The following RBFOX1 variants were observed in gnomAD, a reference collection of about 807,000 sequenced individuals.
The protein encoded by RBFOX1 is RNA binding protein fox-1 homolog 1.
A neutral mutation model predicts 57.7 loss-of-function variants in RBFOX1; 8 were observed. That is an observed-to-expected ratio of 0.14 (90% CI 0.08 to 0.25). The LOEUF (loss-of-function observed/expected upper bound fraction) is 0.25, where lower values mean the gene tolerates loss of function less well. RBFOX1 is among the 10% of genes least tolerant of loss of function. RBFOX1 has a pLI of 1.00. For missense variants in RBFOX1, 611 were observed against 548.5 expected, an observed-to-expected ratio of 1.11 and a Z score of -1.14; for synonymous variants, 326 against 222.4, an observed-to-expected ratio of 1.47 and a Z score of -4.15.
chr16:7,273,037 C>T (rs1437205406), intron 4 of RBFOX1, among the ~76,000 whole-genome samples: 1 of 116,428 alleles, frequency 8.6e-6, no homozygotes, highest in Non-Finnish European at 1.7e-5. Flanking sequence ...CTTTTCTTTC[C>T]TTCCCCTCCC....
intron 1 of RBFOX1, among the ~76,000 whole-genome samples, chr16:6,159,291 G>A (rs2096860485): frequency 6.6e-6 from 1 of 152,042 alleles, no homozygotes; most frequent in Non-Finnish European, 1.5e-5. Context: ...TGGCCAAGTT[G>A]GTCTTGAACT....
intron 1 of RBFOX1, among the ~76,000 whole-genome samples, chr16:6,190,389 T>A (rs1164032907): frequency 6.6e-6 from 1 of 152,172 alleles, no homozygotes; most frequent in Non-Finnish European, 1.5e-5. Flanking sequence ...GTATGTAGCA[T>A]CCGGGGTCCT....
intron 4 of RBFOX1, among the ~76,000 whole-genome samples, chr16:7,447,319 G>A (rs993143593): frequency 2.6e-5 from 4 of 151,320 alleles, no homozygotes; most frequent in Non-Finnish European, 4.4e-5. Context: ...TGTTATCCTA[G>A]CTACTTGGGA....
intron 4 of RBFOX1, among the ~76,000 whole-genome samples, chr16:7,226,863 C>T (rs1272154626): frequency 2.0e-5 from 3 of 152,202 alleles, no homozygotes. Context: ...TTCAGGCTCA[C>T]AGGCAAATGG....
intron 3 of RBFOX1, among the ~76,000 whole-genome samples, chr16:6,768,583 A>T (rs908529752): frequency 2.6e-5 from 4 of 151,942 alleles, no homozygotes; most frequent in African/African-American, 9.7e-5. Context: ...AAAAAGATGG[A>T]TCAATAAATA....
chr16:7,187,534 A>G (rs1263079099), intron 4 of RBFOX1, among the ~76,000 whole-genome samples: 3 of 150,950 alleles, frequency 2.0e-5, no homozygotes, highest in Admixed American at 6.6e-5. Flanking sequence ...CTAAAAATAC[A>G]AAAAATTAGC....
chr16:7,691,047 C>G (rs559080653), intron 14 of RBFOX1, among the ~76,000 whole-genome samples: 1 of 152,170 alleles, frequency 6.6e-6, no homozygotes, highest in East Asian at 1.9e-4. Flanking sequence ...TTAATGAACT[C>G]TATAGAAAGG....
chr16:7,149,446 G>T (rs1244384357), intron 4 of RBFOX1, among the ~76,000 whole-genome samples: 3 of 150,712 alleles, frequency 2.0e-5, no homozygotes, highest in African/African-American at 7.3e-5. Context: ...ATTGGTGCAA[G>T]CTTCCTGTGG....
intron 1 of RBFOX1, among the ~76,000 whole-genome samples, chr16:6,045,192 T>G (rs1338121540): frequency 2.0e-5 from 3 of 152,190 alleles, no homozygotes; most frequent in African/African-American, 4.8e-5. Context: ...GGGTGGGACC[T>G]GAGATTCTGA....
intron 1 of RBFOX1, among the ~76,000 whole-genome samples, chr16:6,296,240 A>G (rs1415646771): frequency 6.6e-6 from 1 of 152,158 alleles, no homozygotes; most frequent in Non-Finnish European, 1.5e-5. Context: ...TGCCAAGTTC[A>G]GTGCTAGATT....
In RBFOX1 at chr16:7,568,811, C is replaced by T. The variant is rs548657850; in HGVS notation, c.271-10966C>T. ...CTGAGGCAGGAGAATGGCGTGAACC[C>T]GGGAGGCGGAGCTTACAGTGAGCTG... On this transcript the variant is annotated intron_variant, in intron 5 of 15. Transcript: ENST00000550418. Among the ~76,000 whole-genome samples the T allele has an allele frequency of 4.2e-3, 555 of 132,292 alleles. 4 individuals are homozygous for T. The highest frequency in any genetic ancestry group is 0.014 in the African/African-American group (529 of 36,884). The allele number at this position is 132,292 out of a possible 152,430, so 86.8% of individuals were successfully genotyped here.
At chr16:6,397,651 C>A (rs1404472610) in intron 2 of RBFOX1, among the ~76,000 whole-genome samples, 5 of 152,166 alleles carry the variant, frequency 3.3e-5, no homozygotes, top group Non-Finnish European at 5.9e-5. Context: ...GGTTATAATG[C>A]TTCTTTGAAA....
At chr16:6,214,543 A>G (rs1447132750) in intron 1 of RBFOX1, among the ~76,000 whole-genome samples, 2 of 83,256 alleles carry the variant, frequency 2.4e-5, no homozygotes, top group Non-Finnish European at 4.5e-5. Flanking sequence ...GGGGAGAAGG[A>G]GACAGGGAGA....
In RBFOX1 at chr16:6,810,420, C is replaced by T. The variant is rs567796545; in HGVS notation, c.-16+155770C>T. 6.6e-5 allele frequency among the ~76,000 whole-genome samples: 10 copies of T among 152,074 alleles called. No homozygotes were observed. In the South Asian group the frequency reaches 2.1e-3, roughly 32 times the overall value. The stretch of plus-strand genomic sequence containing the variant: ...TAAGCGTGGACAATGGTACTTTTTC[C>T]TGGGAGAAGGATGACTAAAAAGATG... On this transcript the variant is annotated intron_variant, in intron 3 of 15. Coordinates refer to ENST00000550418, the MANE Select transcript of RBFOX1 (RefSeq NM_018723.4).
At chr16:7,449,528 CCT>C (rs796795748) in intron 4 of RBFOX1, among the ~76,000 whole-genome samples, 29 of 152,078 alleles carry the variant, frequency 1.9e-4, no homozygotes, top group African/African-American at 7.0e-4. Context: ...ATCATATTGC[CCT>C]GTTTTGTAAT....
chr16:5,449,201 C>T (rs954284281), intron 1 of RBFOX1, among the ~76,000 whole-genome samples: 2 of 152,152 alleles, frequency 1.3e-5, no homozygotes, highest in Admixed American at 1.3e-4. Context: ...GGCATCAGAG[C>T]CCTGCAGTCC....
At chr16:6,707,129 A>G (rs180927461) in intron 3 of RBFOX1, among the ~76,000 whole-genome samples, 32 of 152,264 alleles carry the variant, frequency 2.1e-4, no homozygotes, top group Non-Finnish European at 4.3e-4. Context: ...TATTTAATCC[A>G]GATGTGATTT....
intron 3 of RBFOX1, among the ~76,000 whole-genome samples, chr16:7,034,051 A>T (rs750254079): frequency 2.0e-5 from 3 of 152,208 alleles, no homozygotes; most frequent in Non-Finnish European, 4.4e-5. Context: ...GAGATGAGGT[A>T]GGTATGGCAG....
intron 4 of RBFOX1, among the ~76,000 whole-genome samples, chr16:7,375,003 A>T (rs1397657345): frequency 6.6e-6 from 1 of 152,246 alleles, no homozygotes; most frequent in Non-Finnish European, 1.5e-5. Flanking sequence ...GAGGAGATGT[A>T]GAGATATTCT....
Sources: gnomAD v4.1 joint callset for allele counts (sites outside exome capture counted in the v4.1 genomes callset) on GRCh38, gnomAD v4.1.1 for gene constraint, MANE v1.5 for transcripts, NCBI Gene and HGNC (gene_info 2026-07-23, HGNC 2026-07-21) for gene names.